SEMA6D: variants seen among roughly 807,000 people sequenced by gnomAD.
SEMA6D encodes the protein semaphorin 6D, also known as semaphorin-6D.
Under a neutral mutation model 106.6 loss-of-function variants are expected in SEMA6D, and 35 were observed. That is an observed-to-expected ratio of 0.33 (90% CI 0.25 to 0.44). The LOEUF (loss-of-function observed/expected upper bound fraction) is 0.44. Among genes scored for constraint, SEMA6D ranks in the 20% least tolerant of loss-of-function variants. The probability of loss-of-function intolerance (pLI) is 1.00; values close to 1 mark genes in which losing one functional copy is unlikely to be tolerated. For synonymous variants in SEMA6D, 499 were observed against 487.7 expected (o/e 1.02, Z -0.31); for missense variants, 1,185 against 1,345.9 (o/e 0.88, Z 1.87).
At chr15:47,333,680 C>G (rs150767915) in intron 1 of SEMA6D, among the ~76,000 whole-genome samples, 241 of 152,218 alleles carry the variant, frequency 1.6e-3, no homozygotes, top group Middle Eastern at 0.01. Flanking sequence ...TTGCTGGAGA[C>G]CATCAGGAAA....
intron 2 of SEMA6D, among the ~76,000 whole-genome samples, chr15:47,446,290 C>T (rs1244069689): frequency 6.6e-6 from 1 of 152,136 alleles, no homozygotes; most frequent in Non-Finnish European, 1.5e-5. Flanking sequence ...GGGCCACAAG[C>T]CTTGGGGGAA....
At chr15:47,191,932 G>A (rs1184844618) in intron 1 of SEMA6D, among the ~76,000 whole-genome samples, 1 of 152,184 alleles carries the variant, frequency 6.6e-6, no homozygotes, top group African/African-American at 2.4e-5. Flanking sequence ...GTATACATTA[G>A]ACCAAGGTTA....
chr15:47,601,210 A>C (rs569115947), intron 4 of SEMA6D, among the ~76,000 whole-genome samples: 90 of 152,250 alleles, frequency 5.9e-4, no homozygotes, highest in African/African-American at 2.1e-3. Context: ...GTTCAAAAAC[A>C]GAAGAAGATT....
At chr15:47,652,139 C>T (rs765693994) in intron 4 of SEMA6D, among the ~76,000 whole-genome samples, 8 of 152,166 alleles carry the variant, frequency 5.3e-5, no homozygotes, top group Non-Finnish European at 1.0e-4. Context: ...ATATTTCTTA[C>T]ACTTGGAATT....
intron 3 of SEMA6D, among the ~76,000 whole-genome samples, chr15:47,501,958 T>C (rs1418670231): frequency 6.6e-6 from 1 of 152,090 alleles, no homozygotes; most frequent in Non-Finnish European, 1.5e-5. Context: ...CATCTTTGCA[T>C]TGCCTCCTTG....
rs767836643 is a variant in SEMA6D at position 47,762,190 on chromosome 15, T to G, written c.539-10T>G. 91 of 1,613,424 alleles carry G rather than the reference T, an allele frequency of 5.6e-5. No individual in the cohort carries two copies. Among genetic ancestry groups the G allele is most frequent in the East Asian group, 2.2e-5 (1 of 44,868 alleles). The stretch of plus-strand genomic sequence containing the variant: ...TGGTTATCTTACCAAAATTATACCT[T>G]TGGTTTCAGATGGGAAGCTGTATTC... On this transcript the variant is annotated splice_polypyrimidine_tract_variant and intron_variant, in intron 7 of 18. Coordinates refer to ENST00000536845, the MANE Select transcript of SEMA6D (RefSeq NM_001358351.3).
chr15:47,556,682 G>A (rs2045925512), intron 3 of SEMA6D, among the ~76,000 whole-genome samples: 1 of 152,088 alleles, frequency 6.6e-6, no homozygotes, highest in Non-Finnish European at 1.5e-5. Flanking sequence ...ATTATGCAAA[G>A]TCCCTTTTCC....
chr15:47,243,233 A>G (rs1014110523), intron 1 of SEMA6D, among the ~76,000 whole-genome samples: 2 of 152,130 alleles, frequency 1.3e-5, no homozygotes, highest in Non-Finnish European at 2.9e-5. Flanking sequence ...CTAGACTAGG[A>G]AAGTTCACTG....
chr15:47,413,868 T>C (rs1427646097), intron 2 of SEMA6D, among the ~76,000 whole-genome samples: 2 of 152,180 alleles, frequency 1.3e-5, no homozygotes, highest in Non-Finnish European at 2.9e-5. Flanking sequence ...AAATGTGACT[T>C]TGAACAGCCT....
intron 1 of SEMA6D, among the ~76,000 whole-genome samples, chr15:47,273,590 C>A (rs72731770): frequency 6.6e-6 from 1 of 152,062 alleles, no homozygotes; most frequent in Admixed American, 6.6e-5. Flanking sequence ...TATCCTTAGC[C>A]GGAAAATATG....
At chr15:47,742,477 A>AAG (rs1272822705) in intron 1 of SEMA6D, among the ~76,000 whole-genome samples, 7 of 152,120 alleles carry the variant, frequency 4.6e-5, no homozygotes, top group Admixed American at 4.6e-4. Context: ...ATGCTGCTGA[A>AAG]AGACAGTAAG....
At chr15:47,498,840 A>G (rs1190587822) in intron 3 of SEMA6D, among the ~76,000 whole-genome samples, 10 of 152,158 alleles carry the variant, frequency 6.6e-5, no homozygotes. Context: ...GGCCTCAAAT[A>G]TGAGCTACAA....
intron 2 of SEMA6D, among the ~76,000 whole-genome samples, chr15:47,441,379 A>C (rs1260709459): frequency 6.6e-6 from 1 of 152,100 alleles, no homozygotes; most frequent in Non-Finnish European, 1.5e-5. Flanking sequence ...ATAAATTTGT[A>C]ATGTAAGTTG....
At chr15:47,662,857 G>GCACACACACACACA (rs140613951) in intron 4 of SEMA6D, among the ~76,000 whole-genome samples, 34 of 134,164 alleles carry the variant, frequency 2.5e-4, no homozygotes, top group African/African-American at 8.7e-4. Context: ...GTGTATGAGC[G>GCACACACACACACA]CACACACACA....
At chr15:47,321,736 A>G (rs771633994) in intron 1 of SEMA6D, among the ~76,000 whole-genome samples, 3 of 152,130 alleles carry the variant, frequency 2.0e-5, no homozygotes, top group Non-Finnish European at 2.9e-5. Context: ...ACATGTCTAA[A>G]ACTTCTTTAG....
chr15:47,657,345 G>T (rs189162324), intron 4 of SEMA6D, among the ~76,000 whole-genome samples: 3 of 152,154 alleles, frequency 2.0e-5, no homozygotes, highest in Admixed American at 1.3e-4. Context: ...GATTCTCCAC[G>T]TGTATATGCT....
intron 3 of SEMA6D, among the ~76,000 whole-genome samples, chr15:47,576,823 C>A (rs1359465235): frequency 6.6e-6 from 1 of 152,192 alleles, no homozygotes. Flanking sequence ...GCTTATCTAT[C>A]CAGAACAAAA....
At chr15:47,553,347 A>C (rs1224637593) in intron 3 of SEMA6D, among the ~76,000 whole-genome samples, 1 of 152,128 alleles carries the variant, frequency 6.6e-6, no homozygotes, top group East Asian at 1.9e-4. Flanking sequence ...AATTGCCTCT[A>C]ACTACCAGTT....
intron 1 of SEMA6D, among the ~76,000 whole-genome samples, chr15:47,296,249 G>T (rs2035797381): frequency 6.6e-6 from 1 of 152,210 alleles, no homozygotes; most frequent in African/African-American, 2.4e-5. Flanking sequence ...TCTGATGATG[G>T]GTTTTGGAGA....
Sources: allele counts gnomAD v4.1 joint callset (sites outside exome capture counted in the v4.1 genomes callset), GRCh38; gene constraint gnomAD v4.1.1; transcripts MANE v1.5; gene names NCBI Gene and HGNC (gene_info 2026-07-23, HGNC 2026-07-21).